ZC3H12C: variants seen among roughly 807,000 people sequenced by gnomAD.
The protein encoded by ZC3H12C is probable ribonuclease ZC3H12C.
Under a neutral mutation model 76.3 loss-of-function variants are expected in ZC3H12C, and 20 were observed. The observed-to-expected ratio is 0.26, with a 90% CI of 0.18 to 0.38. The LOEUF is 0.38. Among genes scored for constraint, ZC3H12C ranks in the 10% least tolerant of loss-of-function variants. The probability of loss-of-function intolerance (pLI) is 1.00; values close to 1 mark genes in which losing one functional copy is unlikely to be tolerated. For synonymous variants in ZC3H12C, 352 were observed against 399.6 expected (o/e 0.88, Z 1.42); for missense variants, 874 against 1,086.5 (o/e 0.80, Z 2.75).
intron 1 of ZC3H12C, among the ~76,000 whole-genome samples, chr11:110,115,232 C>T (rs571416249): frequency 6.6e-6 from 1 of 151,840 alleles, no homozygotes; most frequent in African/African-American, 2.4e-5. Flanking sequence ...TCAGTTTCTT[C>T]AGTAGTGGAA....
chr11:110,125,361 A>G (rs729612), intron 1 of ZC3H12C, among the ~76,000 whole-genome samples: 104,585 of 147,804 alleles, frequency 0.71, 37,328 homozygotes, highest in East Asian at 0.89. Context: ...TCGCTCTGTC[A>G]TACAGGCTGG....
At position 110,164,247 on chromosome 11, in the gene ZC3H12C, G is replaced by A. The variant is rs997775075; in HGVS notation, c.1256-94G>A. 84 of 1,144,640 alleles carry A rather than the reference G, an allele frequency of 7.3e-5. No individual in the cohort carries two copies. Among genetic ancestry groups the A allele is most frequent in the Non-Finnish European group, 1.0e-4 (83 of 830,236 alleles). The allele number at this position is 1,144,640 out of a possible 1,614,324, so 70.9% of individuals were successfully genotyped here. ...ACTTAGCACAGCTCCCATTTCTATC[G>A]TTGTCTCTTCTACAAGTTAAAATCA... On this transcript the variant is annotated intron_variant, in intron 5 of 5. Transcript: ENST00000278590. The surrounding 1 kb of genome is among the most constrained non-coding windows in gnomAD (Gnocchi z 5.7).
rs1265495353 is a variant in ZC3H12C, at chr11:110,166,799, A to G, written c.*1062A>G. 1 of 152,144 alleles carries G rather than the reference A, an allele frequency of 6.6e-6. No individual in the cohort carries two copies. The highest frequency in any genetic ancestry group is 1.5e-5 in the Non-Finnish European group (1 of 68,022). The allele number at this position is 152,144 out of a possible 1,614,324, so 9.4% of individuals were successfully genotyped here. A position where few individuals can be genotyped will look rare whatever the true frequency, so the allele number is the denominator to read the frequency against. ...TGGGTTTATGTGTTGAGGTTATGCA[A>G]CATTTCTTGATACTGCACTATAGAG... On this transcript the variant is annotated 3_prime_UTR_variant, in exon 6 of 6. Transcript: ENST00000278590.
rs567854825 is a variant in ZC3H12C at position 110,110,061 on chromosome 11, G to A, written c.21+16629G>A. 2.7e-3 allele frequency among the ~76,000 whole-genome samples: 413 copies of A among 152,164 alleles called. 1 individual carries two copies. The highest frequency in any genetic ancestry group is 9.5e-3 in the African/African-American group (393 of 41,504). On this transcript the variant is annotated intron_variant, in intron 1 of 5. Transcript: ENST00000278590. ...CAAGCAGCCCACAGTAAATTATTAC[G>A]TGAATACCTGAGATACAGGGGTTGC...
At chr11:110,141,676 T>G (rs1862070076) in intron 2 of ZC3H12C, among the ~76,000 whole-genome samples, 1 of 152,186 alleles carries the variant, frequency 6.6e-6, no homozygotes, top group Non-Finnish European at 1.5e-5. Context: ...TCAACAAAAC[T>G]GTATCAAAAT....
intron 1 of ZC3H12C, among the ~76,000 whole-genome samples, chr11:110,127,570 T>A (rs995679645): frequency 6.6e-6 from 1 of 152,056 alleles, no homozygotes; most frequent in Non-Finnish European, 1.5e-5. Flanking sequence ...GATATAATAA[T>A]CTTACTTCCA....
chr11:110,135,175 A>G (rs1437832372), intron 1 of ZC3H12C, among the ~76,000 whole-genome samples: 1 of 152,108 alleles, frequency 6.6e-6, no homozygotes, highest in African/African-American at 2.4e-5. Context: ...ATCTGCGTAG[A>G]ATACCAGAAT....
Position 110,164,763 on chromosome 11 carries a change from C to T in ZC3H12C, c.1678C>T (p.Pro560Ser), listed in dbSNP as rs369802092. 71 of 1,613,934 alleles carry T rather than the reference C, an allele frequency of 4.4e-5. No homozygotes were observed. Among genetic ancestry groups the T allele is most frequent in the Admixed American group, 8.3e-5 (5 of 60,012 alleles). ...GGATCAAAGACCACAGGGACAATAT[C>T]CTTCAATGATGATGGCAACCAAAAA... is the stretch of plus-strand genomic sequence containing the variant. Reference protein sequence around the residue: ...PQDQRPQGQYPSMMMATKNHG... With the variant: ...PQDQRPQGQYSSMMMATKNHG... Residue 560 changes from proline to serine, a missense_variant, in exon 6 of 6, where the codon CCT becomes TCT. By Grantham distance (74) the Pro-to-Ser change is moderately conservative. Coordinates refer to ENST00000278590, the MANE Select transcript of ZC3H12C (RefSeq NM_033390.2). This position sits in a 1 kb window ranked among gnomAD's most constrained non-coding sequence, Gnocchi z 5.7.
chr11:110,109,109 A>G (rs1861384650), intron 1 of ZC3H12C, among the ~76,000 whole-genome samples: 1 of 152,168 alleles, frequency 6.6e-6, no homozygotes, highest in African/African-American at 2.4e-5. Flanking sequence ...TTTGGGTGCC[A>G]TCTTTGTTGG....
chr11:110,145,468 G>A (rs1231572448), intron 2 of ZC3H12C, among the ~76,000 whole-genome samples: 1 of 152,060 alleles, frequency 6.6e-6, no homozygotes, highest in Non-Finnish European at 1.5e-5. Context: ...AACTGAGTAG[G>A]CATTTTTGGA....
In ZC3H12C at chr11:110,154,930, A is replaced by G. The variant is rs1020412144; in HGVS notation, c.913+1872A>G. Reference sequence around the variant, plus strand: ...TATAAGCACCAAATAAGAAGAAAAAAAGTTCAACCCCATTAGTAATTAAAT... The same window carrying G: ...TATAAGCACCAAATAAGAAGAAAAAGAGTTCAACCCCATTAGTAATTAAAT... On this transcript the variant is annotated intron_variant, in intron 3 of 5. Coordinates refer to ENST00000278590, the MANE Select transcript of ZC3H12C (RefSeq NM_033390.2). Among the ~76,000 whole-genome samples, 3 of 152,202 alleles carry G rather than the reference A, an allele frequency of 2.0e-5. No individual in the cohort carries two copies. In the South Asian group the frequency reaches 6.2e-4, roughly 32 times the overall value.
chr11:110,133,977 T>C (rs1052653915), intron 1 of ZC3H12C, among the ~76,000 whole-genome samples: 4 of 152,202 alleles, frequency 2.6e-5, no homozygotes, highest in Admixed American at 1.3e-4. Context: ...TCATAAGGTA[T>C]TCATCTTGTC....
At chr11:110,102,149 A>G (rs544360776) in intron 1 of ZC3H12C, among the ~76,000 whole-genome samples, 96 of 151,352 alleles carry the variant, frequency 6.3e-4, no homozygotes, top group African/African-American at 2.0e-3. Flanking sequence ...AAGTCTTATT[A>G]TTTAAGAAAT....
intron 1 of ZC3H12C, among the ~76,000 whole-genome samples, chr11:110,099,005 T>C (rs1184720022): frequency 6.6e-6 from 1 of 152,244 alleles, no homozygotes; most frequent in Non-Finnish European, 1.5e-5. Context: ...ATCTTTTTCC[T>C]GTATAATTGG....
Position 110,164,311 on chromosome 11 carries a change from C to A in ZC3H12C, c.1256-30C>A. 6.5e-7 allele frequency: 1 copy of A among 1,539,966 alleles called. No individual in the cohort carries two copies. Among genetic ancestry groups the A allele is most frequent in the South Asian group, 1.3e-5 (1 of 79,478 alleles). On this transcript the variant is annotated intron_variant, in intron 5 of 5. Coordinates refer to ENST00000278590, the MANE Select transcript of ZC3H12C (RefSeq NM_033390.2). The surrounding 1 kb of genome is among the most constrained non-coding windows in gnomAD (Gnocchi z 5.7). ...AGTTTTCAGGATCTGATGGTATGCT[C>A]CTTTGCCTAATTAATTTTACTCTTC... is the stretch of plus-strand genomic sequence containing the variant.
intron 1 of ZC3H12C, 130 bp from the exon 2 acceptor site, chr11:110,136,533 G>A: frequency 1.0e-6 from 1 of 999,862 alleles, no homozygotes; most frequent in Non-Finnish European, 1.4e-6. Flanking sequence ...AAGGGTGTTA[G>A]GAGGGAGGAG....
rs1861331959 is a variant in ZC3H12C, at chr11:110,106,530, G to A, written c.21+13098G>A. The stretch of plus-strand genomic sequence containing the variant: ...TAGGTTTCTTATAAAATGTCCCTAA[G>A]CTTCAGTTTCTTTCTTTGTAAAATG... On this transcript the variant is annotated intron_variant, in intron 1 of 5. Coordinates refer to ENST00000278590, the MANE Select transcript of ZC3H12C (RefSeq NM_033390.2). 2.6e-5 allele frequency among the ~76,000 whole-genome samples: 4 copies of A among 152,130 alleles called. 1 individual carries two copies. The South Asian group carries it at 8.3e-4, about 32-fold the overall frequency.
intron 2 of ZC3H12C, among the ~76,000 whole-genome samples, chr11:110,144,714 G>T (rs1226918825): frequency 6.6e-6 from 1 of 152,146 alleles, no homozygotes; most frequent in East Asian, 1.9e-4. Flanking sequence ...TATGCAAATT[G>T]TAGTAAAATC....
Position 110,165,935 on chromosome 11 carries a change from C to T in ZC3H12C, c.*198C>T. On this transcript the variant is annotated 3_prime_UTR_variant, in exon 6 of 6. Transcript: ENST00000278590. ...ATCACGGGATTGCTTTACATTTAAA[C>T]TTTTTTTTTTTAACATTTCCTTTTT... is the stretch of plus-strand genomic sequence containing the variant. The T allele has an allele frequency of 2.1e-6, 1 of 486,310 alleles. No homozygotes were observed. Among genetic ancestry groups the T allele is most frequent in the Non-Finnish European group, 3.5e-6 (1 of 287,786 alleles). 30.1% of individuals were successfully genotyped at this position (486,310 alleles called of 1,614,324 possible).
Sources: allele counts gnomAD v4.1 joint callset (sites outside exome capture counted in the v4.1 genomes callset), GRCh38; gene constraint gnomAD v4.1.1; non-coding constraint Gnocchi (gnomAD v3.1); transcripts MANE v1.5; gene names NCBI Gene and HGNC (gene_info 2026-07-23, HGNC 2026-07-21).